Variants in HERC1 observed in about 807,000 individuals in gnomAD.
The protein encoded by HERC1 is probable E3 ubiquitin-protein ligase HERC1.
Under a neutral mutation model 554.3 loss-of-function variants are expected in HERC1, and 160 were observed. The observed-to-expected ratio is 0.29, with a 90% confidence interval of 0.25 to 0.33. HERC1 has a LOEUF of 0.33. Ranked by LOEUF, HERC1 falls within the 10% of genes least tolerant of loss-of-function variation. HERC1 has a pLI of 1.00. For missense variants in HERC1, 4,919 were observed against 5,918.5 expected, an observed-to-expected ratio of 0.83 and a Z score of 5.54; for synonymous variants, 2,175 against 2,131.7, an observed-to-expected ratio of 1.02 and a Z score of -0.56.
In HERC1 at chr15:63,678,124, C is replaced by T. The variant is rs746737458; in HGVS notation, c.6791G>A (p.Arg2264Gln). 10 of 1,613,998 alleles carry T rather than the reference C, an allele frequency of 6.2e-6. No individual in the cohort carries two copies. The highest frequency in any genetic ancestry group is 1.1e-5 in the South Asian group (1 of 91,080). The stretch of plus-strand genomic sequence containing the variant: ...CTCCTCTCTCATTTCATTTTCCTCT[C>T]GGCTCTGAACCGAGCGGCTTTTCTT... ...KLKKSRSVQS[R>Q]EENEMREEKE... Residue 2264 changes from arginine (R) to glutamine (Q), a missense_variant, in exon 37 of 78, where the codon CGA becomes CAA. This residue lies in a region of HERC1 where 1,963 missense variants were observed against 2,228.6 expected (regional missense o/e 0.88). Coordinates refer to ENST00000443617, the MANE Select transcript of HERC1 (RefSeq NM_003922.4).
At chr15:63,621,500 C>T (rs112593021) in intron 74 of HERC1, among the ~76,000 whole-genome samples, 24,418 of 152,038 alleles carry the variant, frequency 0.16, 2,270 homozygotes, top group Middle Eastern at 0.21. Flanking sequence ...AGGAGTATCT[C>T]TGTGGCATTC....
intron 2 of HERC1, among the ~76,000 whole-genome samples, chr15:63,768,885 G>A (rs2075865325): frequency 6.6e-6 from 1 of 152,078 alleles, no homozygotes; most frequent in African/African-American, 2.4e-5. Flanking sequence ...CCACTACATA[G>A]TAAGATCTCA....
At chr15:63,708,076 G>A (rs1176691295) in intron 24 of HERC1, among the ~76,000 whole-genome samples, 4 of 151,752 alleles carry the variant, frequency 2.6e-5, no homozygotes, top group Non-Finnish European at 5.9e-5. Context: ...ACCTACCTAT[G>A]TATCAACAGA....
Position 63,734,766 on chromosome 15 carries a change from T to A in HERC1, c.2604A>T (p.Leu868Phe). ...TTTCCCATCTATCAGGTCCTTGAGGTAAAAGAGAATGAAGTAATTCCATCC... is the reference window on the plus strand; with the variant it reads ...TTTCCCATCTATCAGGTCCTTGAGGAAAAAGAGAATGAAGTAATTCCATCC... ...RERMELLHSL[L>F]PQGPDRWESL... The change falls in exon 13 of 78, where the codon TTA becomes TTT. Residue 868 changes from leucine (L) to phenylalanine (F), a missense_variant. By Grantham distance (22) the Leu-to-Phe change is conservative. Coordinates refer to ENST00000443617, the MANE Select transcript of HERC1 (RefSeq NM_003922.4). This position sits in a 1 kb window ranked among gnomAD's most constrained non-coding sequence, Gnocchi z 4.6. 6.3e-7 allele frequency: 1 copy of A among 1,593,832 alleles called. No homozygotes were observed.
intron 1 of HERC1, among the ~76,000 whole-genome samples, chr15:63,790,135 C>T (rs1253905928): frequency 1.3e-5 from 2 of 152,136 alleles, no homozygotes; most frequent in African/African-American, 4.8e-5. Flanking sequence ...GCCATGAGGG[C>T]TACATGATAT....
chr15:63,618,520 T>C (rs1176547392), intron 74 of HERC1, among the ~76,000 whole-genome samples: 1 of 81,062 alleles, frequency 1.2e-5, no homozygotes, highest in South Asian at 2.7e-4. Flanking sequence ...TTTAAAGTAG[T>C]TTTTTCCAAT....
At chr15:63,822,597 AAT>A (rs1491462009) in intron 1 of HERC1, among the ~76,000 whole-genome samples, 1 of 151,846 alleles carries the variant, frequency 6.6e-6, no homozygotes, top group Non-Finnish European at 1.5e-5. Flanking sequence ...AAAAAAAAAA[AAT>A]TTTTAAATAA....
chr15:63,653,982 T>C, intron 51 of HERC1, 137 bp downstream of exon 51: 4 of 653,806 alleles, frequency 6.1e-6, no homozygotes, highest in South Asian at 1.8e-5. Context: ...ATCTTTGTAA[T>C]TGTGTGCATG....
Position 63,718,083 on chromosome 15 carries a change from GACACACACACACACACACAC to G in HERC1, c.3978+471_3978+490del, listed in dbSNP as rs34069674. ...AGTATTTTTAAGGCAGCTATTATGT[GACACACACACACACACACAC>G]ACACACACACACACACACACAACCC... On this transcript the variant is annotated intron_variant, in intron 21 of 77. Coordinates refer to ENST00000443617, the MANE Select transcript of HERC1 (RefSeq NM_003922.4). This position sits in a 1 kb window ranked among gnomAD's most constrained non-coding sequence, Gnocchi z 4.2. 1.3e-5 allele frequency among the ~76,000 whole-genome samples: 1 copy of G among 75,626 alleles called. No homozygotes were observed. Among genetic ancestry groups the G allele is most frequent in the African/African-American group, 5.2e-5 (1 of 19,276 alleles). The allele number at this position is 75,626 out of a possible 152,430, so 49.6% of individuals were successfully genotyped here. A position where few individuals can be genotyped will look rare whatever the true frequency, so the allele number is the denominator to read the frequency against.
chr15:63,757,473 G>A (rs2075464876), intron 4 of HERC1, among the ~76,000 whole-genome samples: 1 of 151,940 alleles, frequency 6.6e-6, no homozygotes, highest in South Asian at 2.1e-4. Flanking sequence ...CACCATGTTG[G>A]TCAAGCTAGT....
At chr15:63,813,052 G>A (rs567285720) in intron 1 of HERC1, among the ~76,000 whole-genome samples, 2 of 152,210 alleles carry the variant, frequency 1.3e-5, no homozygotes, top group South Asian at 2.1e-4. Flanking sequence ...TACAATCAAC[G>A]ATATTGAGAT....
At chr15:63,626,991 G>A (rs2068329353) in intron 70 of HERC1, among the ~76,000 whole-genome samples, 1 of 152,076 alleles carries the variant, frequency 6.6e-6, no homozygotes, top group Admixed American at 6.6e-5. Context: ...ATCATATGTG[G>A]AGGAGCTGGG....
intron 71 of HERC1, among the ~76,000 whole-genome samples, chr15:63,624,540 CA>C (rs2068218461): frequency 6.6e-6 from 1 of 151,962 alleles, no homozygotes. Context: ...TACAAAAACA[CA>C]AAAATTAGCT....
At chr15:63,806,414 C>A (rs10152453) in intron 1 of HERC1, among the ~76,000 whole-genome samples, 123,447 of 152,060 alleles carry the variant, frequency 0.81, 51,970 homozygotes, top group Non-Finnish European at 0.87. Flanking sequence ...CACAGATTTA[C>A]TCACTTCCTC....
At position 63,656,366 on chromosome 15, in the gene HERC1, T is replaced by C. The variant is rs375326118; in HGVS notation, c.9600-8A>G. ...AGGCTACAACTGGAACCACTGCCAG[T>C]AAAGAAAAACATCTCAGATGGATAA... On this transcript the variant is annotated splice_polypyrimidine_tract_variant and splice_region_variant and intron_variant, in intron 48 of 77. Transcript: ENST00000443617. 5.6e-6 allele frequency: 9 copies of C among 1,601,654 alleles called. No individual in the cohort carries two copies. Among genetic ancestry groups the C allele is most frequent in the Non-Finnish European group, 6.8e-6 (8 of 1,172,274 alleles).
At chr15:63,698,628 G>C in intron 26 of HERC1, 100 bp downstream of exon 26, 1 of 1,169,996 alleles carries the variant, frequency 8.5e-7, no homozygotes, top group South Asian at 1.7e-5. Context: ...GGGAAGGCAA[G>C]GAATAGAAGA....
intron 13 of HERC1, among the ~76,000 whole-genome samples, chr15:63,733,892 T>C (rs1294471797): frequency 6.7e-6 from 1 of 150,156 alleles, no homozygotes; most frequent in Non-Finnish European, 1.5e-5. Flanking sequence ...CCAGGCATAG[T>C]GGTCTCATGC....
At chr15:63,805,626 T>C (rs2077114472) in intron 1 of HERC1, among the ~76,000 whole-genome samples, 1 of 152,204 alleles carries the variant, frequency 6.6e-6, no homozygotes, top group Non-Finnish European at 1.5e-5. Context: ...TATGGTATGT[T>C]AATTATACCT....
In HERC1 at chr15:63,672,368, T is replaced by C. The variant is rs573207963; in HGVS notation, c.8045+128A>G. 5.7e-5 allele frequency: 37 copies of C among 644,760 alleles called. No homozygotes were observed. In the African/African-American group the frequency reaches 6.2e-4, roughly 11 times the overall value. The allele number at this position is 644,760 out of a possible 1,614,324, so 39.9% of individuals were successfully genotyped here. On this transcript the variant is annotated intron_variant, in intron 39 of 77. Coordinates refer to ENST00000443617, the MANE Select transcript of HERC1 (RefSeq NM_003922.4). ...ATTCAGTAAAATGAGCTTGACTATA[T>C]AATCTCTTAGTTTCTTTCTAGCTCT...
Sources: gnomAD v4.1 joint callset for allele counts (sites outside exome capture counted in the v4.1 genomes callset) on GRCh38, gnomAD v4.1.1 for gene constraint, gnomAD v4.1.1 regional missense constraint, Gnocchi (gnomAD v3.1) non-coding constraint, MANE v1.5 for transcripts, NCBI Gene and HGNC (gene_info 2026-07-23, HGNC 2026-07-21) for gene names.